RBFOX3: variants seen among roughly 807,000 people sequenced by gnomAD.
The protein encoded by RBFOX3 is RNA binding fox-1 homolog 3, also known as RNA binding protein fox-1 homolog 3.
RBFOX3 carries 17 observed loss-of-function variants against 48.7 expected under a neutral mutation model. The observed-to-expected ratio is 0.35, with a 90% confidence interval of 0.24 to 0.52. The LOEUF (loss-of-function observed/expected upper bound fraction) is 0.52. Among genes scored for constraint, RBFOX3 ranks in the 20% least tolerant of loss-of-function variants. The pLI is 0.94. For missense variants in RBFOX3, 382 were observed against 497.5 expected, an observed-to-expected ratio of 0.77 and a Z score of 2.21; for synonymous variants, 212 against 209.5, an observed-to-expected ratio of 1.01 and a Z score of -0.10.
At chr17:79,620,508 CGCAT>C in the RBFOX3 span, among the ~76,000 whole-genome samples, 3 of 150,538 alleles carry the variant, frequency 2.0e-5, no homozygotes, top group Admixed American at 6.6e-5. Context: ...CACACACATG[CGCAT>C]ACGTGCACAT....
chr17:79,433,261 G>A (rs2068797216), intron 2 of RBFOX3, among the ~76,000 whole-genome samples: 1 of 152,182 alleles, frequency 6.6e-6, no homozygotes, highest in Admixed American at 6.5e-5. Flanking sequence ...CTGGGCCAGG[G>A]CTCCCTCACC....
intron 1 of RBFOX3, among the ~76,000 whole-genome samples, chr17:79,486,042 T>C (rs1172172696): frequency 2.0e-5 from 3 of 152,256 alleles, no homozygotes; most frequent in Admixed American, 2.0e-4. Flanking sequence ...CACCCCTTGG[T>C]GCTGCGGGGT....
chr17:79,616,467 T>A, the RBFOX3 span, among the ~76,000 whole-genome samples: 1 of 147,818 alleles, frequency 6.8e-6, no homozygotes, highest in South Asian at 2.1e-4. Flanking sequence ...ACCCGGGAGG[T>A]GGAGATTGCA....
rs2058753458 is a variant in RBFOX3 at position 79,214,462 on chromosome 17, T to A, written c.-34+21304A>T. ...TGATGCAAAGCCCTTTGGATCAGTG[T>A]GACTGGGAGGACGCTGCTGCCCACC... On this transcript the variant is annotated intron_variant, in intron 4 of 14. Transcript: ENST00000693108. The surrounding 1 kb of genome is among the most constrained non-coding windows in gnomAD (Gnocchi z 4.7). 1.3e-5 allele frequency among the ~76,000 whole-genome samples: 2 copies of A among 151,920 alleles called. No individual in the cohort carries two copies. Among genetic ancestry groups the A allele is most frequent in the Admixed American group, 1.3e-4 (2 of 15,258 alleles).
At chr17:79,435,289 A>G (rs2069191447) in intron 2 of RBFOX3, among the ~76,000 whole-genome samples, 1 of 151,904 alleles carries the variant, frequency 6.6e-6, no homozygotes, top group Non-Finnish European at 1.5e-5. Flanking sequence ...TAGGCTCTGG[A>G]GCCAGGATCC....
At chr17:79,484,658 G>A (rs2079294163) in intron 1 of RBFOX3, among the ~76,000 whole-genome samples, 2 of 152,100 alleles carry the variant, frequency 1.3e-5, no homozygotes, top group African/African-American at 4.8e-5. Flanking sequence ...GGTAGGAAGG[G>A]GCTCCAGGAA....
At chr17:79,148,017 C>T (rs957642214) in intron 4 of RBFOX3, among the ~76,000 whole-genome samples, 1 of 152,184 alleles carries the variant, frequency 6.6e-6, no homozygotes, top group Non-Finnish European at 1.5e-5. Flanking sequence ...CGTGGGGCCC[C>T]GGGGGGAGGG....
intron 1 of RBFOX3, among the ~76,000 whole-genome samples, chr17:79,546,884 G>A (rs2090517481): frequency 1.3e-5 from 2 of 151,662 alleles, no homozygotes; most frequent in South Asian, 4.2e-4. Flanking sequence ...TGGTCAGGCT[G>A]GTCTCAAGCT....
intron 4 of RBFOX3, among the ~76,000 whole-genome samples, chr17:79,193,302 G>C (rs112646279): frequency 6.6e-6 from 1 of 152,216 alleles, no homozygotes; most frequent in Non-Finnish European, 1.5e-5. Flanking sequence ...CCTATTAACA[G>C]AGAACCTGGT....
At chr17:79,280,464 G>A (rs8074560) in intron 3 of RBFOX3, among the ~76,000 whole-genome samples, 28,509 of 152,150 alleles carry the variant, frequency 0.19, 3,127 homozygotes, top group Non-Finnish European at 0.25. Flanking sequence ...TCAAGGCCGC[G>A]ATGCCTTCCT....
At chr17:79,292,304 G>A (rs1180871642) in intron 3 of RBFOX3, among the ~76,000 whole-genome samples, 12 of 152,014 alleles carry the variant, frequency 7.9e-5, no homozygotes, top group Non-Finnish European at 1.0e-4. Context: ...CAGACCCCAC[G>A]AGTGTCAGGA....
chr17:79,555,954 A>G (rs2082123312), intron 1 of RBFOX3, among the ~76,000 whole-genome samples: 1 of 152,080 alleles, frequency 6.6e-6, no homozygotes, highest in South Asian at 2.1e-4. Context: ...AACTCCAACT[A>G]CAACAATGTC....
chr17:79,624,159 T>C, the RBFOX3 span, among the ~76,000 whole-genome samples: 27 of 152,092 alleles, frequency 1.8e-4, no homozygotes, highest in Admixed American at 1.4e-3. Flanking sequence ...TTTGTTACGG[T>C]AGTCCTAGAA....
intron 3 of RBFOX3, among the ~76,000 whole-genome samples, chr17:79,245,928 A>T (rs2063111254): frequency 6.6e-6 from 1 of 152,046 alleles, no homozygotes; most frequent in Admixed American, 6.6e-5. Flanking sequence ...GCCCAGCAGA[A>T]CATTTTGGAT....
At chr17:79,655,656 G>A in the RBFOX3 span, among the ~76,000 whole-genome samples, 1 of 152,176 alleles carries the variant, frequency 6.6e-6, no homozygotes. Context: ...GTGTGAGAAT[G>A]AAGTACAGCT....
chr17:79,446,955 C>T (rs1218676872), intron 2 of RBFOX3, among the ~76,000 whole-genome samples: 3 of 152,212 alleles, frequency 2.0e-5, no homozygotes, highest in Non-Finnish European at 4.4e-5. Context: ...TGGGCTAAGC[C>T]CCAGTTTGGA....
chr17:79,271,358 G>A (rs1156778648), intron 3 of RBFOX3, among the ~76,000 whole-genome samples: 3 of 152,182 alleles, frequency 2.0e-5, no homozygotes, highest in African/African-American at 4.8e-5. Flanking sequence ...TTACAGGCGT[G>A]AGCCACCGTG....
At chr17:79,165,407 G>A (rs1440332017) in intron 4 of RBFOX3, among the ~76,000 whole-genome samples, 2 of 152,178 alleles carry the variant, frequency 1.3e-5, no homozygotes, top group Admixed American at 1.3e-4. Flanking sequence ...ATTTTAGACT[G>A]AGCTGGGAAA....
intron 1 of RBFOX3, among the ~76,000 whole-genome samples, chr17:79,602,988 C>CTT (rs35479641): frequency 8.1e-5 from 8 of 99,158 alleles, no homozygotes; most frequent in South Asian, 3.8e-4. Context: ...TTGAGCTACC[C>CTT]TTTTTTTTTT....
Sources: gnomAD v4.1 joint callset for allele counts (sites outside exome capture counted in the v4.1 genomes callset) on GRCh38, gnomAD v4.1.1 for gene constraint, Gnocchi (gnomAD v3.1) non-coding constraint, MANE v1.5 for transcripts, NCBI Gene and HGNC (gene_info 2026-07-23, HGNC 2026-07-21) for gene names.